The following ABCA13 variants were observed in gnomAD, a reference collection of about 807,000 sequenced individuals.
ABCA13 encodes the protein ATP-binding cassette sub-family A member 13.
ABCA13 carries 476 observed loss-of-function variants against 478.7 expected under a neutral mutation model. That is an observed-to-expected ratio of 0.99 (90% CI 0.92 to 1.07). The LOEUF (loss-of-function observed/expected upper bound fraction) is 1.07. ABCA13 is among the 50% of genes least tolerant of loss of function. The probability of loss-of-function intolerance (pLI) is 0.00; values close to 1 mark genes in which losing one functional copy is unlikely to be tolerated. For synonymous variants in ABCA13, 2,252 were observed against 2,158.9 expected, an observed-to-expected ratio of 1.04 and a Z score of -1.20; for missense variants, 6,060 against 5,910.6, an observed-to-expected ratio of 1.03 and a Z score of -0.83.
At chr7:48,323,858 C>T (rs542192167) in intron 27 of ABCA13, among the ~76,000 whole-genome samples, 12 of 152,256 alleles carry the variant, frequency 7.9e-5, no homozygotes, top group African/African-American at 7.2e-5. Context: ...ATACTGTTCT[C>T]GTGAGAGTGA....
intron 58 of ABCA13, among the ~76,000 whole-genome samples, chr7:48,599,292 C>T (rs115632060): frequency 2.4e-3 from 367 of 151,230 alleles, no homozygotes; most frequent in African/African-American, 8.6e-3. Context: ...ATTTGGTTGT[C>T]ATTAGATAAA....
In ABCA13 at chr7:48,287,919, G is replaced by A. The variant is rs764103548; in HGVS notation, c.8837-41G>A. 5 of 1,500,388 alleles carry A rather than the reference G, an allele frequency of 3.3e-6. No homozygotes were observed. The East Asian group carries it at 9.1e-5, about 27-fold the overall frequency. 92.9% of individuals were successfully genotyped at this position (1,500,388 alleles called of 1,614,324 possible). A position where few individuals can be genotyped will look rare whatever the true frequency, so the allele number is the denominator to read the frequency against. ...TGTGAGAGTGGCTAGTTCAGGAGAG[G>A]ACTGTCTATTAATTATTTCTCTGTG... is the stretch of plus-strand genomic sequence containing the variant. On this transcript the variant is annotated intron_variant, in intron 19 of 61. Coordinates refer to ENST00000435803, the MANE Select transcript of ABCA13 (RefSeq NM_152701.5).
rs965514833 is a variant in ABCA13, at chr7:48,602,740, G to T, written c.14744+7927G>T. ...TTGGTTCCATATGAAATTTAAAGTG[G>T]TTTTTTTTTTCCAATTCTGTGAAGA... On this transcript the variant is annotated intron_variant, in intron 58 of 61. Coordinates refer to ENST00000435803, the MANE Select transcript of ABCA13 (RefSeq NM_152701.5). Among the ~76,000 whole-genome samples, 42 of 149,790 alleles carry T rather than the reference G, an allele frequency of 2.8e-4. 1 individual carries two copies. Among genetic ancestry groups the T allele is most frequent in the East Asian group, 5.9e-4 (3 of 5,086 alleles).
At chr7:48,277,821 T>C (rs1796497273) in intron 17 of ABCA13, among the ~76,000 whole-genome samples, 1 of 152,174 alleles carries the variant, frequency 6.6e-6, no homozygotes, top group Admixed American at 6.5e-5. Flanking sequence ...TTAACCTTTT[T>C]CATAAGCAAA....
At chr7:48,412,861 G>T (rs1288125537) in intron 41 of ABCA13, among the ~76,000 whole-genome samples, 4 of 151,136 alleles carry the variant, frequency 2.6e-5, no homozygotes, top group African/African-American at 9.8e-5. Context: ...GTGCAGGCTG[G>T]AGTGCAGTGG....
At position 48,275,315 on chromosome 7, in the gene ABCA13, T is replaced by G. The variant is rs763812323; in HGVS notation, c.5649T>G (p.Thr1883=). 2 of 1,613,842 alleles carry G rather than the reference T, an allele frequency of 1.2e-6. No homozygotes were observed. The highest frequency in any genetic ancestry group is 8.5e-7 in the Non-Finnish European group (1 of 1,179,878). Residue 1883 remains threonine (T), a synonymous_variant, in exon 17 of 62, where the codon ACT becomes ACG. Coordinates refer to ENST00000435803, the MANE Select transcript of ABCA13 (RefSeq NM_152701.5). ...CSNESSRMEI[T]RKVVCIIHEL... ...ATGAAAGCTCCCGAATGGAAATAAC[T>G]AGGAAAGTGGTCTGCATAATTCATG... is the stretch of plus-strand genomic sequence containing the variant.
Position 48,272,364 on chromosome 7 carries a change from A to T in ABCA13, c.2698A>T (p.Thr900Ser). 1 of 1,613,760 alleles carries T rather than the reference A, an allele frequency of 6.2e-7. No homozygotes were observed. The highest frequency in any genetic ancestry group is 8.5e-7 in the Non-Finnish European group (1 of 1,179,742). Reference sequence around the variant, plus strand: ...TGTACGTTTAAGTGAGGCTATAATAACTAGTCTCCATGAATTTGGATTTTT... The same window carrying T: ...TGTACGTTTAAGTGAGGCTATAATATCTAGTCTCCATGAATTTGGATTTTT... ...DFVRLSEAII[T>S]SLHEFGFLEQ... is the part of the protein sequence containing the mutation. The change falls in exon 17 of 62, where the codon ACT (threonine) becomes TCT (serine). Residue 900 changes from threonine (T) to serine (S), a missense_variant. This residue lies in a region of ABCA13 where 4,423 missense variants were observed against 4,309.1 expected (regional missense o/e 1.03). Coordinates refer to ENST00000435803, the MANE Select transcript of ABCA13 (RefSeq NM_152701.5).
In ABCA13 at chr7:48,511,232, G is replaced by T. The variant is rs372523565; in HGVS notation, c.13640+33G>T. On this transcript the variant is annotated intron_variant, in intron 51 of 61. Transcript: ENST00000435803. ...ATGAGAAACGCTGCTGCAGAATTACGGTTTGTTTTCTGAAAGAGAAAACCC... is the reference window on the plus strand; with the variant it reads ...ATGAGAAACGCTGCTGCAGAATTACTGTTTGTTTTCTGAAAGAGAAAACCC... 2.1e-4 allele frequency: 324 copies of T among 1,555,878 alleles called. 1 individual carries two copies. Among genetic ancestry groups the T allele is most frequent in the Middle Eastern group, 1.7e-3 (10 of 5,860 alleles).
Position 48,272,812 on chromosome 7 carries a change from C to G in ABCA13, c.3146C>G (p.Ser1049Cys). The change falls in exon 17 of 62, where the codon TCT becomes TGT. Residue 1049 changes from serine to cysteine, a missense_variant. Coordinates refer to ENST00000435803, the MANE Select transcript of ABCA13 (RefSeq NM_152701.5). ...FLELQAQSFM[S>C]TEGQELEVIH... ...GAGCTTCAGGCCCAATCCTTCATGT[C>G]TACAGAGGGCCAAGAACTGGAAGTG... 6.2e-7 allele frequency: 1 copy of G among 1,605,956 alleles called. No individual in the cohort carries two copies. The highest frequency in any genetic ancestry group is 1.1e-5 in the South Asian group (1 of 90,114).
chr7:48,357,170 TAAA>T lies in ABCA13; in HGVS notation c.10688+4690_10688+4692del, dbSNP rs201045629. ...ATGCTTGAAATGTTGAATTCCTGCT[TAAA>T]AAAAAATCAGCTTGATCCACAACAG... On this transcript the variant is annotated intron_variant, in intron 31 of 61. Coordinates refer to ENST00000435803, the MANE Select transcript of ABCA13 (RefSeq NM_152701.5). Among the ~76,000 whole-genome samples the T allele has an allele frequency of 1.3e-5, 2 of 151,422 alleles. 1 individual carries two copies. The highest frequency in any genetic ancestry group is 4.9e-5 in the African/African-American group (2 of 41,018).
At chr7:48,478,049 A>C (rs1828331547) in intron 45 of ABCA13, among the ~76,000 whole-genome samples, 1 of 151,622 alleles carries the variant, frequency 6.6e-6, no homozygotes, top group African/African-American at 2.4e-5. Flanking sequence ...TGAATTGGAG[A>C]GAGGAAAGCT....
At chr7:48,558,764 A>C (rs1165214502) in intron 55 of ABCA13, among the ~76,000 whole-genome samples, 1 of 152,222 alleles carries the variant, frequency 6.6e-6, no homozygotes, top group Non-Finnish European at 1.5e-5. Context: ...GAAAGGTCAC[A>C]TATCTCTGTT....
In ABCA13 at chr7:48,313,111, G is replaced by A; in HGVS notation, c.9561G>A (p.Leu3187=). Residue 3187 remains leucine (L), a synonymous_variant, in exon 25 of 62, where the codon CTG becomes CTA. Transcript: ENST00000435803. ...SEANGLLNSL[L]DIVSSLSALL... ...CAAATGGCTTGCTCAACTCCTTGCTGGATATAGTTTCCAGCCTCAGCGCCT... is the reference window on the plus strand; with the variant it reads ...CAAATGGCTTGCTCAACTCCTTGCTAGATATAGTTTCCAGCCTCAGCGCCT... The A allele has an allele frequency of 6.2e-7, 1 of 1,612,182 alleles. No homozygotes were observed. Among genetic ancestry groups the A allele is most frequent in the Non-Finnish European group, 8.5e-7 (1 of 1,179,108 alleles).
rs551444335 is a variant in ABCA13, at chr7:48,609,532, T to C, written c.14745-5753T>C. On this transcript the variant is annotated intron_variant, in intron 58 of 61. Coordinates refer to ENST00000435803, the MANE Select transcript of ABCA13 (RefSeq NM_152701.5). Reference sequence around the variant, plus strand: ...TACCCCAGGGAATCTTGGTAAAGCATGGAGCAGGAAACTGAGGATAAGAAC... The same window carrying C: ...TACCCCAGGGAATCTTGGTAAAGCACGGAGCAGGAAACTGAGGATAAGAAC... Among the ~76,000 whole-genome samples, 6 of 152,256 alleles carry C rather than the reference T, an allele frequency of 3.9e-5. No individual in the cohort carries two copies. The South Asian group carries it at 1.2e-3, about 32-fold the overall frequency.
chr7:48,295,652 C>T (rs1388122947), intron 20 of ABCA13, 48 bp from the exon 21 acceptor site: 1 of 1,604,388 alleles, frequency 6.2e-7, no homozygotes, highest in East Asian at 2.2e-5. Context: ...CAAAATCTTA[C>T]AGATAAGTAT....
intron 55 of ABCA13, among the ~76,000 whole-genome samples, chr7:48,548,225 T>G (rs1043917443): frequency 1.3e-5 from 2 of 151,956 alleles, no homozygotes; most frequent in Non-Finnish European, 2.9e-5. Context: ...TATATTCCTA[T>G]CCCGATATGC....
rs367663685 is a variant in ABCA13 at position 48,507,755 on chromosome 7, C to T, written c.13347-117C>T. ...CCATGCCCTTAGCCAACATGCCTGG[C>T]TGATTATGAATTTTTAATTAGCAGT... On this transcript the variant is annotated intron_variant, in intron 49 of 61. Transcript: ENST00000435803. The T allele has an allele frequency of 2.6e-5, 32 of 1,227,830 alleles. No homozygotes were observed. In the East Asian group the frequency reaches 5.4e-4, roughly 21 times the overall value. The allele number at this position is 1,227,830 out of a possible 1,614,324, so 76.1% of individuals were successfully genotyped here.
At chr7:48,443,730 A>T (rs1370172392) in intron 42 of ABCA13, among the ~76,000 whole-genome samples, 1 of 152,042 alleles carries the variant, frequency 6.6e-6, no homozygotes, top group African/African-American at 2.4e-5. Context: ...TGCCAAGTCA[A>T]TTTCAAATGT....
At chr7:48,312,618 C>T (rs1259627203) in intron 24 of ABCA13, among the ~76,000 whole-genome samples, 1 of 152,134 alleles carries the variant, frequency 6.6e-6, no homozygotes, top group Non-Finnish European at 1.5e-5. Flanking sequence ...TTTTCTCATC[C>T]ACAAAACGAA....
Sources: gnomAD v4.1 joint callset for allele counts (sites outside exome capture counted in the v4.1 genomes callset) on GRCh38, gnomAD v4.1.1 for gene constraint, gnomAD v4.1.1 regional missense constraint, MANE v1.5 for transcripts, NCBI Gene and HGNC (gene_info 2026-07-23, HGNC 2026-07-21) for gene names.